The following ZFHX3 variants were observed in gnomAD, a reference collection of about 807,000 sequenced individuals.
ZFHX3 encodes zinc finger homeobox 3.
A neutral mutation model predicts 279.1 loss-of-function variants in ZFHX3; 42 were observed. That is an observed-to-expected ratio of 0.15 (90% CI 0.12 to 0.19). The LOEUF is 0.19. Ranked by LOEUF, ZFHX3 falls within the 10% of genes least tolerant of loss-of-function variation. The pLI is 1.00. For synonymous variants in ZFHX3, 2,293 were observed against 1,957.8 expected, an observed-to-expected ratio of 1.17 and a Z score of -4.52; for missense variants, 4,981 against 4,754.0, an observed-to-expected ratio of 1.05 and a Z score of -1.40.
At chr16:73,019,660 T>G (rs1318262532) in intron 1 of ZFHX3, among the ~76,000 whole-genome samples, 2 of 152,206 alleles carry the variant, frequency 1.3e-5, no homozygotes, top group Admixed American at 1.3e-4. Flanking sequence ...ACCTGGAGAT[T>G]GTGAGTCATC....
intron 5 of ZFHX3, among the ~76,000 whole-genome samples, chr16:73,226,211 C>T (rs563243683): frequency 2.2e-4 from 33 of 152,296 alleles, no homozygotes; most frequent in Admixed American, 1.2e-3. Context: ...CAGGGCCTCC[C>T]AGGTGCCTCA....
At chr16:73,868,782 TC>T (rs1336871173) in intron 1 of ZFHX3, among the ~76,000 whole-genome samples, 2 of 150,880 alleles carry the variant, frequency 1.3e-5, no homozygotes, top group Non-Finnish European at 2.9e-5. Context: ...TTTCTTTCTT[TC>T]TTTTTTTAAT....
chr16:72,881,334 G>A (rs913282384), intron 4 of ZFHX3, among the ~76,000 whole-genome samples: 2 of 152,136 alleles, frequency 1.3e-5, no homozygotes, highest in Admixed American at 6.5e-5. Context: ...AGGGAGGTAT[G>A]GGCAGCACTT....
At chr16:73,865,302 G>A (rs952141680) in intron 1 of ZFHX3, among the ~76,000 whole-genome samples, 1 of 152,136 alleles carries the variant, frequency 6.6e-6, no homozygotes, top group African/African-American at 2.4e-5. Flanking sequence ...AAAATGAAAG[G>A]CCTGGAATCT....
intron 4 of ZFHX3, among the ~76,000 whole-genome samples, chr16:73,307,099 T>C (rs558520812): frequency 2.6e-5 from 4 of 152,246 alleles, no homozygotes; most frequent in African/African-American, 9.6e-5. Context: ...ATGGTTAAGA[T>C]GATCTTTGGA....
Position 73,563,501 on chromosome 16 carries a change from C to T in ZFHX3, c.-1546-107243G>A, listed in dbSNP as rs1223973273. On this transcript the variant is annotated intron_variant, in intron 2 of 17. Coordinates refer to the ZFHX3 transcript ENST00000641206. ...CTTGATCTCCTGACCTCGTGATCCGCCCGCCTCAGCCTCCCTGAAAGTGCA... is the reference window on the plus strand; with the variant it reads ...CTTGATCTCCTGACCTCGTGATCCGTCCGCCTCAGCCTCCCTGAAAGTGCA... Among the ~76,000 whole-genome samples, 3 of 151,972 alleles carry T rather than the reference C, an allele frequency of 2.0e-5. No individual in the cohort carries two copies. The East Asian group carries it at 5.8e-4, about 29-fold the overall frequency.
chr16:72,988,029 T>G (rs781288954), intron 1 of ZFHX3, among the ~76,000 whole-genome samples: 14 of 152,198 alleles, frequency 9.2e-5, no homozygotes, highest in Non-Finnish European at 2.1e-4. Context: ...CCTTTTAACC[T>G]CACTTGCACA....
Position 73,839,680 on chromosome 16 carries a change from G to A in ZFHX3, c.-1608+51971C>T, listed in dbSNP as rs185300259. Among the ~76,000 whole-genome samples the A allele has an allele frequency of 2.2e-3, 330 of 152,284 alleles. 2 individuals carry two copies. Among genetic ancestry groups the A allele is most frequent in the Non-Finnish European group, 3.3e-3 (227 of 68,014 alleles). On this transcript the variant is annotated intron_variant, in intron 1 of 17. Transcript: ENST00000641206. ...ATTAAAGTTCTCTTCACTTCCCTAA[G>A]TCAAAGAAAGAAGGAGGTACCCAAA...
At chr16:73,414,075 C>A (rs2017523255) in intron 3 of ZFHX3, among the ~76,000 whole-genome samples, 5 of 152,232 alleles carry the variant, frequency 3.3e-5, no homozygotes, top group Admixed American at 3.3e-4. Flanking sequence ...CACACTTTGA[C>A]CACAGGACTC....
chr16:72,941,423 G>C (rs1269929989), intron 3 of ZFHX3, among the ~76,000 whole-genome samples: 1 of 152,218 alleles, frequency 6.6e-6, no homozygotes. Flanking sequence ...CCTGCTGGCA[G>C]GTCATTATGA....
At chr16:73,348,132 C>T (rs374181745) in intron 3 of ZFHX3, among the ~76,000 whole-genome samples, 29 of 152,200 alleles carry the variant, frequency 1.9e-4, no homozygotes, top group African/African-American at 6.3e-4. Flanking sequence ...TTGGGCAGGC[C>T]GACTGCTTAA....
chr16:73,323,451 G>A (rs1018490803), intron 3 of ZFHX3, among the ~76,000 whole-genome samples: 13 of 152,182 alleles, frequency 8.5e-5, no homozygotes, highest in African/African-American at 3.1e-4. Flanking sequence ...AGGGAGGTAA[G>A]CAGTGTCTGG....
intron 5 of ZFHX3, among the ~76,000 whole-genome samples, chr16:73,241,691 G>A (rs1414493449): frequency 6.6e-6 from 1 of 151,010 alleles, no homozygotes; most frequent in African/African-American, 2.4e-5. Flanking sequence ...TTGGGAGGCT[G>A]AGGCAGGAGA....
intron 3 of ZFHX3, among the ~76,000 whole-genome samples, chr16:73,452,590 A>T (rs754223268): frequency 6.6e-6 from 1 of 152,164 alleles, no homozygotes; most frequent in Non-Finnish European, 1.5e-5. Flanking sequence ...TAATCAGTGC[A>T]TTTTGATAGG....
rs767818332 is a variant in ZFHX3 at position 73,093,076 on chromosome 16, C to T, written c.-533+159G>A. ...CATATCCTTTTGCTATTTGACCCCT[C>T]CCAGAGATCCCTTCATTCTTCAGCA... is the stretch of plus-strand genomic sequence containing the variant. On this transcript the variant is annotated intron_variant, in intron 8 of 17. Coordinates refer to the ZFHX3 transcript ENST00000641206. The T allele has an allele frequency of 3.4e-4, 177 of 520,070 alleles. 4 individuals carry two copies. The highest frequency in any genetic ancestry group is 2.4e-3 in the South Asian group (175 of 71,584). 32.2% of individuals were successfully genotyped at this position (520,070 alleles called of 1,614,324 possible). A position where few individuals can be genotyped will look rare whatever the true frequency, so the allele number is the denominator to read the frequency against.
At position 73,788,972 on chromosome 16, in the gene ZFHX3, G is replaced by C. The variant is rs774965991; in HGVS notation, c.-1608+102679C>G. Among the ~76,000 whole-genome samples the C allele has an allele frequency of 3.3e-5, 5 of 150,896 alleles. No individual in the cohort carries two copies. The East Asian group carries it at 9.8e-4, about 30-fold the overall frequency. ...ATTTTGGCATGTCTATAATAGTAGC[G>C]GTAAAAATAACAATAATATTTGCAA... On this transcript the variant is annotated intron_variant, in intron 1 of 17. Transcript: ENST00000641206.
chr16:73,867,443 G>A (rs556868651), intron 1 of ZFHX3, among the ~76,000 whole-genome samples: 15 of 152,176 alleles, frequency 9.9e-5, no homozygotes, highest in East Asian at 5.8e-4. Flanking sequence ...CCAGCATCAC[G>A]GGAACCACAA....
chr16:73,772,866 G>A (rs561899049), intron 1 of ZFHX3, among the ~76,000 whole-genome samples: 2 of 152,108 alleles, frequency 1.3e-5, no homozygotes, highest in Non-Finnish European at 2.9e-5. Flanking sequence ...CTTGCTTTGG[G>A]AGAATCTCCA....
chr16:73,107,351 G>A (rs1221013362), intron 7 of ZFHX3, among the ~76,000 whole-genome samples: 4 of 151,916 alleles, frequency 2.6e-5, no homozygotes, highest in Non-Finnish European at 5.9e-5. Flanking sequence ...TAAAAAAATT[G>A]ATTCCTCTTT....
Sources: gnomAD v4.1 joint callset for allele counts (sites outside exome capture counted in the v4.1 genomes callset) on GRCh38, gnomAD v4.1.1 for gene constraint, MANE v1.5 for transcripts, NCBI Gene and HGNC (gene_info 2026-07-23, HGNC 2026-07-21) for gene names.